MAD1L1: variants seen among roughly 807,000 people sequenced by gnomAD.
MAD1L1 encodes mitotic spindle assembly checkpoint protein MAD1.
A neutral mutation model predicts 96.9 loss-of-function variants in MAD1L1; 95 were observed. The ratio of observed to expected loss-of-function variants is 0.98; its 90% CI spans 0.83 to 1.16. The LOEUF (loss-of-function observed/expected upper bound fraction) is 1.16. Ranked by LOEUF, MAD1L1 falls within the 50% of genes most tolerant of loss-of-function variation. MAD1L1 has a pLI of 0.00. For missense variants in MAD1L1, 1,007 were observed against 954.4 expected (o/e 1.06, Z -0.73); for synonymous variants, 473 against 396.6 (o/e 1.19, Z -2.29).
chr7:1,868,259 C>T (rs567797236), intron 18 of MAD1L1, among the ~76,000 whole-genome samples: 1 of 152,200 alleles, frequency 6.6e-6, no homozygotes, highest in Non-Finnish European at 1.5e-5. Flanking sequence ...TAACCGAAAT[C>T]AGTTAGAACT....
intron 10 of MAD1L1, among the ~76,000 whole-genome samples, chr7:2,171,186 C>T (rs1434120018): frequency 2.6e-5 from 4 of 152,222 alleles, no homozygotes; most frequent in African/African-American, 9.7e-5. Flanking sequence ...AGCAACGTTT[C>T]CTGCGTATCG....
Position 2,142,707 on chromosome 7 carries a change from C to T in MAD1L1, c.1073+6445G>A, listed in dbSNP as rs1276894166. 1.3e-5 allele frequency among the ~76,000 whole-genome samples: 2 copies of T among 152,332 alleles called. No individual in the cohort carries two copies. The highest frequency in any genetic ancestry group is 4.8e-5 in the African/African-American group (2 of 41,572). ...GCCAAAGACCATTTACATCGAGTGG[C>T]GCCAAAGCCGAACGGACGCAACAAG... is the stretch of plus-strand genomic sequence containing the variant. On this transcript the variant is annotated intron_variant, in intron 11 of 18. Transcript: ENST00000265854. The surrounding 1 kb of genome is among the most constrained non-coding windows in gnomAD (Gnocchi z 4.7).
chr7:1,863,545 C>A (rs1784631654), intron 18 of MAD1L1, among the ~76,000 whole-genome samples: 1 of 152,222 alleles, frequency 6.6e-6, no homozygotes, highest in African/African-American at 2.4e-5. Context: ...CTGAGGCTGA[C>A]CCCTGAGCAG....
At chr7:1,890,136 C>G (rs927193129) in intron 18 of MAD1L1, among the ~76,000 whole-genome samples, 3 of 152,222 alleles carry the variant, frequency 2.0e-5, no homozygotes, top group Non-Finnish European at 2.9e-5. Flanking sequence ...CACGCTCTGT[C>G]TGGTGTGGGT....
chr7:2,142,228 C>CCAAAGAA lies in MAD1L1; in HGVS notation c.1073+6917_1073+6923dup, dbSNP rs1789072101. On this transcript the variant is annotated intron_variant, in intron 11 of 18. Transcript: ENST00000265854. This position sits in a 1 kb window ranked among gnomAD's most constrained non-coding sequence, Gnocchi z 4.7. ...GCCAAACTAACCCGAGCAGCCTTCGCCAAAGAACAAGGCAGGCACGTGCCA... is the reference window on the plus strand; with the variant it reads ...GCCAAACTAACCCGAGCAGCCTTCGCCAAAGAACAAAGAACAAGGCAGGCACGTGCCA... Among the ~76,000 whole-genome samples, 1 of 152,156 alleles carries CCAAAGAA rather than the reference C, an allele frequency of 6.6e-6. No homozygotes were observed. The highest frequency in any genetic ancestry group is 2.1e-4 in the South Asian group (1 of 4,824).
intron 10 of MAD1L1, among the ~76,000 whole-genome samples, chr7:2,154,544 C>G (rs1436926223): frequency 6.6e-6 from 1 of 152,124 alleles, no homozygotes; most frequent in African/African-American, 2.4e-5. Context: ...ACCCCAAATA[C>G]CCTAAACTTG....
chr7:1,967,054 G>C (rs1301652943), intron 15 of MAD1L1, among the ~76,000 whole-genome samples: 2 of 152,192 alleles, frequency 1.3e-5, no homozygotes, highest in African/African-American at 4.8e-5. Flanking sequence ...GTCTCTTACT[G>C]CCCTTTTCAA....
At chr7:2,106,277 C>T (rs922831975) in intron 11 of MAD1L1, among the ~76,000 whole-genome samples, 2 of 152,148 alleles carry the variant, frequency 1.3e-5, no homozygotes, top group African/African-American at 4.8e-5. Flanking sequence ...GCTTCTCTAT[C>T]GGATCCACAT....
Position 1,882,904 on chromosome 7 carries a change from T to G in MAD1L1, c.1998+15296A>C, listed in dbSNP as rs560601212. ...TGAAGTCTTGAGAAACACCAAACCC[T>G]GCACCACAAACGGCCCCAGGAACCA... On this transcript the variant is annotated intron_variant, in intron 18 of 18. Transcript: ENST00000265854. Among the ~76,000 whole-genome samples, 21 of 152,018 alleles carry G rather than the reference T, an allele frequency of 1.4e-4. 1 individual carries two copies. In the South Asian group the frequency reaches 4.0e-3, roughly 29 times the overall value.
intron 18 of MAD1L1, among the ~76,000 whole-genome samples, chr7:1,817,928 T>G (rs1206292334): frequency 6.6e-6 from 1 of 151,916 alleles, no homozygotes. Flanking sequence ...CCAGAGGCCC[T>G]GCGACCTGAC....
intron 15 of MAD1L1, among the ~76,000 whole-genome samples, chr7:1,972,047 A>C (rs942671485): frequency 6.6e-6 from 1 of 152,182 alleles, no homozygotes; most frequent in Non-Finnish European, 1.5e-5. Flanking sequence ...CAAAAACGGG[A>C]CAACTAACAT....
At position 2,028,386 on chromosome 7, in the gene MAD1L1, T is replaced by C. The variant is rs1021746029; in HGVS notation, c.1219-13744A>G. ...CTTGCAGTGAGCCGAGATCATGCCATTGCACTCCAGCCTGGGCGACAGAGC... is the reference window on the plus strand; with the variant it reads ...CTTGCAGTGAGCCGAGATCATGCCACTGCACTCCAGCCTGGGCGACAGAGC... On this transcript the variant is annotated intron_variant, in intron 12 of 18. Transcript: ENST00000265854. Among the ~76,000 whole-genome samples, 4 of 145,342 alleles carry C rather than the reference T, an allele frequency of 2.8e-5. No homozygotes were observed. The Admixed American group carries it at 2.8e-4, about 10-fold the overall frequency.
At chr7:1,864,897 T>G (rs958349260) in intron 18 of MAD1L1, among the ~76,000 whole-genome samples, 6 of 152,144 alleles carry the variant, frequency 3.9e-5, no homozygotes, top group Non-Finnish European at 7.4e-5. Flanking sequence ...CAGATGCAAA[T>G]GTCCAATTTT....
intron 18 of MAD1L1, among the ~76,000 whole-genome samples, chr7:1,879,511 T>C (rs1240610193): frequency 6.6e-6 from 1 of 151,714 alleles, no homozygotes; most frequent in Non-Finnish European, 1.5e-5. Context: ...ACAGATTGAA[T>C]GTAATCCAAA....
chr7:2,007,973 G>A (rs1782111365), intron 13 of MAD1L1, among the ~76,000 whole-genome samples: 2 of 152,348 alleles, frequency 1.3e-5, no homozygotes, highest in Admixed American at 6.5e-5. Flanking sequence ...CACAGCAACT[G>A]CAGGACTCTG....
rs112487541 is a variant in MAD1L1 at position 2,080,079 on chromosome 7, A to G, written c.1074-10741T>C. ...CAGGACAGAAGCCCCAAGGGGCCAC[A>G]TGGCCAACAGGCAGGCAGCAGGCGG... On this transcript the variant is annotated intron_variant, in intron 11 of 18. Coordinates refer to ENST00000265854, the MANE Select transcript of MAD1L1 (RefSeq NM_001013836.2). The G allele has an allele frequency of 1.3e-3, 253 of 200,702 alleles. 2 individuals are homozygous for G. Among genetic ancestry groups the G allele is most frequent in the African/African-American group, 5.5e-3 (231 of 42,116 alleles). 12.4% of individuals were successfully genotyped at this position (200,702 alleles called of 1,614,324 possible). A position where few individuals can be genotyped will look rare whatever the true frequency, so the allele number is the denominator to read the frequency against.
At chr7:1,953,749 G>A (rs2140123) in intron 16 of MAD1L1, among the ~76,000 whole-genome samples, 130,856 of 152,106 alleles carry the variant, frequency 0.86, 57,601 homozygotes, top group Non-Finnish European at 0.96. Context: ...ACTTCACAAC[G>A]TATCTTTAAA....
intron 17 of MAD1L1, among the ~76,000 whole-genome samples, chr7:1,928,775 G>A (rs1364844161): frequency 6.6e-6 from 1 of 152,210 alleles, no homozygotes; most frequent in East Asian, 1.9e-4. Flanking sequence ...ACACAGGCCT[G>A]TGCCACGTGA....
chr7:1,885,307 G>A lies in MAD1L1; in HGVS notation c.1998+12893C>T, dbSNP rs190848507. Among the ~76,000 whole-genome samples the A allele has an allele frequency of 5.6e-3, 859 of 152,198 alleles. 6 individuals carry two copies. The highest frequency in any genetic ancestry group is 8.1e-3 in the Non-Finnish European group (549 of 68,018). On this transcript the variant is annotated intron_variant, in intron 18 of 18. Coordinates refer to ENST00000265854, the MANE Select transcript of MAD1L1 (RefSeq NM_001013836.2). Reference sequence around the variant, plus strand: ...ACATGCCCTCTGCCCACACCACAGCGTCCCTCTCGCGGGTCCTTTGTTCTC... The same window carrying A: ...ACATGCCCTCTGCCCACACCACAGCATCCCTCTCGCGGGTCCTTTGTTCTC...
Sources: allele counts gnomAD v4.1 joint callset (sites outside exome capture counted in the v4.1 genomes callset), GRCh38; gene constraint gnomAD v4.1.1; non-coding constraint Gnocchi (gnomAD v3.1); transcripts MANE v1.5; gene names NCBI Gene and HGNC (gene_info 2026-07-23, HGNC 2026-07-21).